TENM3: variants seen among roughly 807,000 people sequenced by gnomAD.
The protein encoded by TENM3 is teneurin-3.
TENM3 carries 63 observed loss-of-function variants against 255.1 expected under a neutral mutation model. The ratio of observed to expected loss-of-function variants is 0.25; its 90% CI spans 0.20 to 0.30. The LOEUF (loss-of-function observed/expected upper bound fraction) is 0.30, where lower values mean the gene tolerates loss of function less well. TENM3 is among the 10% of genes least tolerant of loss of function. The pLI is 1.00. For synonymous variants in TENM3, 1,306 were observed against 1,322.3 expected, an observed-to-expected ratio of 0.99 and a Z score of 0.27; for missense variants, 2,929 against 3,461.1, an observed-to-expected ratio of 0.85 and a Z score of 3.86.
intron 17 of TENM3, 127 bp from the exon 18 acceptor site, chr4:182,738,274 C>T (rs570775000): frequency 4.1e-6 from 3 of 733,250 alleles, no homozygotes; most frequent in South Asian, 3.2e-5. Flanking sequence ...AAATAAACTG[C>T]TCATAAATAA....
chr4:182,259,537 T>A (rs1758644865), intron 1 of TENM3, among the ~76,000 whole-genome samples: 2 of 152,118 alleles, frequency 1.3e-5, no homozygotes, highest in Non-Finnish European at 2.9e-5. Flanking sequence ...GGTCTTGAAC[T>A]CCTAGACTCA....
the TENM3 span, among the ~76,000 whole-genome samples, chr4:181,575,718 G>T: frequency 6.6e-6 from 1 of 152,106 alleles, no homozygotes; most frequent in Non-Finnish European, 1.5e-5. Flanking sequence ...AGCTATATAC[G>T]ACATTTGGGG....
chr4:182,531,780 A>G (rs908080), intron 3 of TENM3, among the ~76,000 whole-genome samples: 71,886 of 151,882 alleles, frequency 0.47, 17,195 homozygotes, highest in East Asian at 0.55. Flanking sequence ...GGGACTGGTC[A>G]TGGAGGCACC....
At chr4:181,605,116 G>C in the TENM3 span, among the ~76,000 whole-genome samples, 1 of 151,982 alleles carries the variant, frequency 6.6e-6, no homozygotes, top group Non-Finnish European at 1.5e-5. Context: ...TTAGCTCATG[G>C]GGTAAAGAAA....
chr4:182,697,347 G>T (rs1280905318), intron 12 of TENM3, among the ~76,000 whole-genome samples: 1 of 152,142 alleles, frequency 6.6e-6, no homozygotes, highest in Non-Finnish European at 1.5e-5. Flanking sequence ...GTGGAAAGTG[G>T]GTCGCCAAGG....
At chr4:181,619,224 C>T in the TENM3 span, among the ~76,000 whole-genome samples, 1 of 152,022 alleles carries the variant, frequency 6.6e-6, no homozygotes, top group Non-Finnish European at 1.5e-5. Context: ...CACAAAGTGC[C>T]CCTCAACTTT....
chr4:182,570,406 GTCACATATTAAA>G (rs1744240747), intron 3 of TENM3, among the ~76,000 whole-genome samples: 1 of 152,170 alleles, frequency 6.6e-6, no homozygotes, highest in Non-Finnish European at 1.5e-5. Context: ...CCAGGCACAA[GTCACATATTAAA>G]TCATGTTCAT....
chr4:181,549,727 C>T, the TENM3 span, among the ~76,000 whole-genome samples: 3 of 152,162 alleles, frequency 2.0e-5, no homozygotes, highest in Non-Finnish European at 2.9e-5. Flanking sequence ...TGGATCCCCA[C>T]GACCCATGCT....
chr4:182,226,673 C>A (rs745581228), intron 1 of TENM3, among the ~76,000 whole-genome samples: 5 of 152,106 alleles, frequency 3.3e-5, no homozygotes, highest in Non-Finnish European at 7.3e-5. Flanking sequence ...CCACCTTGGA[C>A]CCATGCTGCT....
chr4:181,786,697 C>CTT, the TENM3 span, among the ~76,000 whole-genome samples: 1 of 144,876 alleles, frequency 6.9e-6, no homozygotes, highest in Non-Finnish European at 1.5e-5. Context: ...AAGACAATCA[C>CTT]TTTTTTTTTT....
chr4:181,691,468 T>G, the TENM3 span, among the ~76,000 whole-genome samples: 1 of 152,108 alleles, frequency 6.6e-6, no homozygotes, highest in Non-Finnish European at 1.5e-5. Flanking sequence ...GAATGACATC[T>G]TATAAAAGTA....
the TENM3 span, among the ~76,000 whole-genome samples, chr4:181,786,025 T>C: frequency 6.6e-6 from 1 of 152,226 alleles, no homozygotes; most frequent in African/African-American, 2.4e-5. Context: ...GAAAACATTA[T>C]ATCTGATCTT....
chr4:181,703,260 G>T, the TENM3 span, among the ~76,000 whole-genome samples: 2 of 152,210 alleles, frequency 1.3e-5, no homozygotes, highest in Non-Finnish European at 2.9e-5. Flanking sequence ...ACATTGCATA[G>T]AAATGGCAGG....
the TENM3 span, among the ~76,000 whole-genome samples, chr4:182,069,466 C>T: frequency 6.6e-6 from 1 of 152,050 alleles, no homozygotes; most frequent in Admixed American, 6.6e-5. Context: ...TCCTTCTAGC[C>T]CCCTTCTACC....
chr4:181,803,642 G>A, the TENM3 span, among the ~76,000 whole-genome samples: 1 of 152,150 alleles, frequency 6.6e-6, no homozygotes, highest in East Asian at 1.9e-4. Flanking sequence ...TAGTGAGCAT[G>A]GAGGTCAGAG....
the TENM3 span, among the ~76,000 whole-genome samples, chr4:181,832,799 C>A: frequency 1.3e-5 from 2 of 152,280 alleles, 1 homozygote; most frequent in Non-Finnish European, 2.9e-5. Flanking sequence ...AACGGGGTGG[C>A]ATTCCTTGAG....
At chr4:181,976,031 TC>T in the TENM3 span, 1 of 152,238 alleles carries the variant, frequency 6.6e-6, no homozygotes, top group African/African-American at 2.4e-5. Flanking sequence ...ATGTCTTCTC[TC>T]TCTGTTTGCC....
chr4:182,761,699 A>G (rs1366758673), intron 22 of TENM3, among the ~76,000 whole-genome samples: 1 of 152,204 alleles, frequency 6.6e-6, no homozygotes, highest in Non-Finnish European at 1.5e-5. Context: ...TTCATGAAAG[A>G]AAACATTTAG....
the TENM3 span, among the ~76,000 whole-genome samples, chr4:181,984,592 A>G: frequency 1.3e-5 from 2 of 152,054 alleles, no homozygotes; most frequent in East Asian, 3.8e-4. Flanking sequence ...GCCTTTTGCA[A>G]AGGATTATAA....
Sources: allele counts gnomAD v4.1 joint callset (sites outside exome capture counted in the v4.1 genomes callset), GRCh38; gene constraint gnomAD v4.1.1; transcripts MANE v1.5; gene names NCBI Gene and HGNC (gene_info 2026-07-23, HGNC 2026-07-21).